Variants in NRG1 observed in about 807,000 individuals in gnomAD.
NRG1 encodes the protein pro-neuregulin-1, membrane-bound isoform.
A neutral mutation model predicts 63.8 loss-of-function variants in NRG1; 18 were observed. The observed-to-expected ratio is 0.28, with a 90% CI of 0.19 to 0.42. The LOEUF (loss-of-function observed/expected upper bound fraction) is 0.42. NRG1 is among the 10% of genes least tolerant of loss of function. The pLI is 1.00. For missense variants in NRG1, 762 were observed against 814.7 expected, an observed-to-expected ratio of 0.94 and a Z score of 0.79; for synonymous variants, 302 against 301.3, an observed-to-expected ratio of 1.00 and a Z score of -0.02.
intron 1 of NRG1, among the ~76,000 whole-genome samples, chr8:32,115,479 T>C (rs1177450554): frequency 6.6e-6 from 1 of 152,148 alleles, no homozygotes; most frequent in East Asian, 1.9e-4. Flanking sequence ...ATATATTTAC[T>C]ATTCATTAAG....
In NRG1 at chr8:32,024,755, T is replaced by C. The variant is rs746836051; in HGVS notation, c.37+385324T>C. ...TAAGAAGTAAAATATTCTTTAATTATGTATTATCTCCTACAGATCAAAAGG... is the reference window on the plus strand; with the variant it reads ...TAAGAAGTAAAATATTCTTTAATTACGTATTATCTCCTACAGATCAAAAGG... On this transcript the variant is annotated intron_variant, in intron 1 of 10. Transcript: ENST00000519301. Among the ~76,000 whole-genome samples the C allele has an allele frequency of 5.9e-4, 90 of 152,332 alleles. No individual in the cohort carries two copies. In the Middle Eastern group the frequency reaches 0.01, roughly 17 times the overall value.
intron 1 of NRG1, among the ~76,000 whole-genome samples, chr8:32,073,841 T>C (rs1282725520): frequency 6.6e-6 from 1 of 152,200 alleles, no homozygotes; most frequent in Non-Finnish European, 1.5e-5. Flanking sequence ...AATCATAGAT[T>C]AGAAAGTTAT....
intron 1 of NRG1, among the ~76,000 whole-genome samples, chr8:31,986,450 T>C (rs1810083387): frequency 6.6e-6 from 1 of 152,090 alleles, no homozygotes; most frequent in Non-Finnish European, 1.5e-5. Flanking sequence ...AAACTTGCTC[T>C]AGACACTTCA....
At chr8:32,101,450 T>C (rs1830565081) in intron 1 of NRG1, among the ~76,000 whole-genome samples, 1 of 151,696 alleles carries the variant, frequency 6.6e-6, no homozygotes. Flanking sequence ...AGCAGTCTTT[T>C]TCATACCTTC....
chr8:32,454,552 C>A (rs1266339752), intron 1 of NRG1, among the ~76,000 whole-genome samples: 1 of 149,356 alleles, frequency 6.7e-6, no homozygotes, highest in Non-Finnish European at 1.5e-5. Flanking sequence ...TTAATCTGTG[C>A]CCAGTCCTCT....
chr8:32,395,057 C>T (rs1219152430), intron 1 of NRG1, among the ~76,000 whole-genome samples: 2 of 152,136 alleles, frequency 1.3e-5, no homozygotes, highest in African/African-American at 2.4e-5. Flanking sequence ...CATCTCATGG[C>T]GACCTGAGGA....
intron 1 of NRG1, among the ~76,000 whole-genome samples, chr8:32,374,027 A>G (rs1168315989): frequency 6.6e-6 from 1 of 152,080 alleles, no homozygotes; most frequent in East Asian, 1.9e-4. Flanking sequence ...TATTGTTACT[A>G]TAATATGTGT....
At chr8:32,496,263 T>C (rs1040009808) in intron 1 of NRG1, among the ~76,000 whole-genome samples, 3 of 152,198 alleles carry the variant, frequency 2.0e-5, no homozygotes, top group African/African-American at 7.2e-5. Flanking sequence ...CTGGGTTGAC[T>C]ACCAGAGAAA....
chr8:31,759,201 T>C (rs1323053871), intron 1 of NRG1, among the ~76,000 whole-genome samples: 2 of 152,182 alleles, frequency 1.3e-5, no homozygotes, highest in Non-Finnish European at 2.9e-5. Context: ...GCCTTTTCAA[T>C]TTCTTAAAGG....
intron 1 of NRG1, among the ~76,000 whole-genome samples, chr8:31,678,585 T>C (rs1261082310): frequency 6.6e-6 from 1 of 151,894 alleles, no homozygotes; most frequent in Non-Finnish European, 1.5e-5. Flanking sequence ...CAAGTCTGTG[T>C]GACCCAATTT....
intron 1 of NRG1, among the ~76,000 whole-genome samples, chr8:32,234,444 G>T (rs952606057): frequency 6.6e-6 from 1 of 152,052 alleles, no homozygotes; most frequent in Non-Finnish European, 1.5e-5. Flanking sequence ...TGCTATCCTA[G>T]GTTTTAGTTT....
intron 1 of NRG1, among the ~76,000 whole-genome samples, chr8:31,732,766 G>A (rs529891373): frequency 6.6e-5 from 10 of 152,074 alleles, no homozygotes; most frequent in South Asian, 2.1e-4. Context: ...ATGGTGATGC[G>A]CCCCTGTAAT....
At chr8:31,755,201 C>T (rs1816849734) in intron 1 of NRG1, among the ~76,000 whole-genome samples, 1 of 152,084 alleles carries the variant, frequency 6.6e-6, no homozygotes, top group Non-Finnish European at 1.5e-5. Flanking sequence ...ACCTGTGTGG[C>T]CTTATCTGTA....
At chr8:31,789,986 A>T (rs1011280089) in intron 1 of NRG1, among the ~76,000 whole-genome samples, 4 of 152,214 alleles carry the variant, frequency 2.6e-5, no homozygotes, top group Admixed American at 6.5e-5. Context: ...TCAAGGAAGC[A>T]TATCCAATAA....
exon 1 of NRG1, chr8:32,548,765 CAAG>C (rs1833463620): frequency 1.7e-5 from 27 of 1,590,942 alleles, no homozygotes; most frequent in Non-Finnish European, 2.3e-5. Flanking sequence ...AAGGGAAGGG[CAAG>C]AAGAAGGAGC....
At chr8:32,499,172 T>C (rs997409559) in intron 1 of NRG1, among the ~76,000 whole-genome samples, 7 of 152,172 alleles carry the variant, frequency 4.6e-5, no homozygotes, top group Non-Finnish European at 7.3e-5. Context: ...TGGAAATAGG[T>C]CAGTCAACTT....
Position 32,157,746 on chromosome 8 carries a change from CAGAG to C in NRG1, c.38-438077_38-438074del, listed in dbSNP as rs1453587417. On this transcript the variant is annotated intron_variant, in intron 1 of 10. Coordinates refer to the NRG1 transcript ENST00000519301. Reference sequence around the variant, plus strand: ...TATAGAGAGAATAAATATGTATCCACAGAGAGAGGGAGAGAGATACCAAGACAAA... The same window carrying C: ...TATAGAGAGAATAAATATGTATCCACAGAGGGAGAGAGATACCAAGACAAA... 3.3e-5 allele frequency among the ~76,000 whole-genome samples: 5 copies of C among 150,766 alleles called. No individual in the cohort carries two copies. The East Asian group carries it at 7.8e-4, about 23-fold the overall frequency.
intron 1 of NRG1, among the ~76,000 whole-genome samples, chr8:32,293,530 A>G (rs796935519): frequency 6.6e-5 from 10 of 152,334 alleles, no homozygotes; most frequent in African/African-American, 2.4e-4. Context: ...GCCATTTAGC[A>G]GCCACAGAAT....
chr8:31,781,837 A>G (rs1415438344), intron 1 of NRG1, among the ~76,000 whole-genome samples: 1 of 152,142 alleles, frequency 6.6e-6, no homozygotes, highest in Admixed American at 6.6e-5. Flanking sequence ...ATTCCAAAAA[A>G]AAAAGGAAGA....
Sources: allele counts gnomAD v4.1 joint callset (sites outside exome capture counted in the v4.1 genomes callset), GRCh38; gene constraint gnomAD v4.1.1; transcripts MANE v1.5; gene names NCBI Gene and HGNC (gene_info 2026-07-23, HGNC 2026-07-21).